The following PALS1 variants were observed in gnomAD, a reference collection of about 807,000 sequenced individuals.
PALS1 encodes the protein protein associated with LIN7 1, MAGUK p55 family member, also known as protein PALS1.
In PALS1, 31 loss-of-function variants were observed where a neutral mutation model predicts 78.9. That is an observed-to-expected ratio of 0.39 (90% CI 0.30 to 0.53). The LOEUF is 0.53. PALS1 is among the 20% of genes least tolerant of loss of function. The pLI, the probability that PALS1 is intolerant of heterozygous loss-of-function variation, is 0.67. For missense variants in PALS1, 704 were observed against 826.5 expected, an observed-to-expected ratio of 0.85 and a Z score of 1.82; for synonymous variants, 276 against 270.9, an observed-to-expected ratio of 1.02 and a Z score of -0.18.
intron 1 of PALS1, among the ~76,000 whole-genome samples, chr14:67,264,932 A>G (rs2084297223): frequency 6.8e-6 from 1 of 146,398 alleles, no homozygotes; most frequent in Non-Finnish European, 1.6e-5. Context: ...GTCAGGAATC[A>G]TATTTTTTTT....
intron 1 of PALS1, among the ~76,000 whole-genome samples, chr14:67,256,603 A>T (rs1180772315): frequency 6.6e-6 from 1 of 152,066 alleles, no homozygotes; most frequent in East Asian, 1.9e-4. Context: ...GCTGGAGTGC[A>T]GTGGTGTGAT....
intron 6 of PALS1, 28 bp downstream of exon 6, chr14:67,302,146 C>T: frequency 6.4e-7 from 1 of 1,566,808 alleles, no homozygotes; most frequent in East Asian, 2.3e-5. Context: ...TGTTTTTAAA[C>T]AAGTGCATTT....
intron 2 of PALS1, among the ~76,000 whole-genome samples, chr14:67,278,590 A>T (rs1405264077): frequency 6.6e-6 from 1 of 152,230 alleles, no homozygotes. Flanking sequence ...TTTAGCAGTT[A>T]TTCTTTAGCA....
intron 2 of PALS1, among the ~76,000 whole-genome samples, chr14:67,273,029 G>C (rs1179702707): frequency 1.3e-5 from 2 of 151,902 alleles, no homozygotes; most frequent in Admixed American, 6.6e-5. Flanking sequence ...CCTAGTTGAG[G>C]ACCGCATTTC....
At chr14:67,257,952 G>A (rs1004507237) in intron 1 of PALS1, among the ~76,000 whole-genome samples, 2 of 152,108 alleles carry the variant, frequency 1.3e-5, no homozygotes, top group East Asian at 3.9e-4. Context: ...TGTCACCAAG[G>A]TAGTGAATAT....
At chr14:67,308,314 CTT>C (rs34145010) in intron 8 of PALS1, among the ~76,000 whole-genome samples, 60 of 139,478 alleles carry the variant, frequency 4.3e-4, no homozygotes, top group South Asian at 2.0e-3. Flanking sequence ...ACCAAACTTC[CTT>C]TTTTTTTTTT....
At chr14:67,245,413 G>A (rs2083972271) in intron 1 of PALS1, among the ~76,000 whole-genome samples, 1 of 152,070 alleles carries the variant, frequency 6.6e-6, no homozygotes, top group South Asian at 2.1e-4. Context: ...ATCTTTTCAT[G>A]TGCTTATTTG....
chr14:67,262,521 G>T (rs1002157228), intron 1 of PALS1, among the ~76,000 whole-genome samples: 1 of 152,082 alleles, frequency 6.6e-6, no homozygotes, highest in African/African-American at 2.4e-5. Context: ...ATTGTTTGAA[G>T]TGATCACTTT....
In PALS1 at chr14:67,312,589, G is replaced by A. The variant is rs1320502206; in HGVS notation, c.1104G>A (p.Glu368=). Residue 368 remains glutamate, a synonymous_variant, in exon 9 of 15, where the codon GAG becomes GAA. Coordinates refer to ENST00000261681, the MANE Select transcript of PALS1 (RefSeq NM_022474.4). ...ATGACCCTTATGTTCCATGTCGAGA[G>A]TTAGGTCTGTCTTTTCAAAAAGGTG... The part of the protein sequence containing the change: ...PSDDPYVPCR[E]LGLSFQKGDI... The A allele has an allele frequency of 7.4e-6, 12 of 1,613,668 alleles. No individual in the cohort carries two copies. The highest frequency in any genetic ancestry group is 1.0e-5 in the Non-Finnish European group (12 of 1,179,790).
chr14:67,324,176 T>C (rs1484563043), intron 14 of PALS1, among the ~76,000 whole-genome samples: 1 of 152,272 alleles, frequency 6.6e-6, no homozygotes, highest in Non-Finnish European at 1.5e-5. Context: ...CTCTTCTTTT[T>C]ATCCCACTGA....
intron 1 of PALS1, among the ~76,000 whole-genome samples, chr14:67,243,055 A>T (rs1043924368): frequency 2.0e-5 from 3 of 152,144 alleles, no homozygotes; most frequent in Non-Finnish European, 4.4e-5. Flanking sequence ...AAAATTTATC[A>T]CCCATTCCAA....
At chr14:67,248,582 C>A (rs895943152) in intron 1 of PALS1, among the ~76,000 whole-genome samples, 2 of 152,082 alleles carry the variant, frequency 1.3e-5, no homozygotes, top group African/African-American at 4.8e-5. Flanking sequence ...CCCTCAAAGA[C>A]GTTGAAATTT....
intron 14 of PALS1, among the ~76,000 whole-genome samples, chr14:67,326,259 T>TTTTTTTA (rs2085356808): frequency 8.1e-6 from 1 of 122,984 alleles, no homozygotes; most frequent in Non-Finnish European, 1.6e-5. Flanking sequence ...TTTTTTTTTT[T>TTTTTTTA]GAGAGGAGAT....
intron 8 of PALS1, among the ~76,000 whole-genome samples, chr14:67,305,740 T>TAC (rs1445042596): frequency 6.6e-6 from 1 of 152,258 alleles, no homozygotes; most frequent in East Asian, 1.9e-4. Flanking sequence ...GCAATTAACT[T>TAC]ACACAGATTG....
At position 67,279,527 on chromosome 14, in the gene PALS1, G is replaced by A. The variant is rs750451675; in HGVS notation, c.357G>A (p.Val119=). Residue 119 remains valine (V), a synonymous_variant, in exon 3 of 15, where the codon GTG becomes GTA. Transcript: ENST00000261681. ...TCTTAGAAAGTCCTCATTATGCTGT[G>A]AAAATATTAGGTAAGTAAAAATAGA... is the stretch of plus-strand genomic sequence containing the variant. ...GIVLESPHYA[V]KILEIEDLFS... is the part of the protein sequence containing the mutation. The A allele has an allele frequency of 1.3e-6, 2 of 1,528,254 alleles. No homozygotes were observed. The highest frequency in any genetic ancestry group is 1.8e-6 in the Non-Finnish European group (2 of 1,141,384). 94.7% of individuals were successfully genotyped at this position (1,528,254 alleles called of 1,614,324 possible). A position where few individuals can be genotyped will look rare whatever the true frequency, so the allele number is the denominator to read the frequency against.
intron 1 of PALS1, among the ~76,000 whole-genome samples, chr14:67,251,532 C>T (rs1482220780): frequency 6.6e-6 from 1 of 151,854 alleles, no homozygotes; most frequent in African/African-American, 2.4e-5. Context: ...GAACGAGAAC[C>T]TGTCTCAAAA....
At chr14:67,316,264 G>A (rs1885589) in intron 9 of PALS1, among the ~76,000 whole-genome samples, 23,509 of 151,998 alleles carry the variant, frequency 0.15, 3,432 homozygotes, top group East Asian at 0.42. Context: ...TATTAATTTT[G>A]TAAGGAAAAG....
chr14:67,243,203 T>G (rs139269795), intron 1 of PALS1, among the ~76,000 whole-genome samples: 73 of 152,222 alleles, frequency 4.8e-4, no homozygotes, highest in East Asian at 3.5e-3. Flanking sequence ...CTTTTTTTTT[T>G]TGTGAGACAT....
At position 67,279,386 on chromosome 14, in the gene PALS1, A is replaced by G. The variant is rs779026053; in HGVS notation, c.216A>G (p.Glu72=). The change falls in exon 3 of 15, where the codon GAA becomes GAG. Residue 72 remains glutamate, a synonymous_variant. Coordinates refer to ENST00000261681, the MANE Select transcript of PALS1 (RefSeq NM_022474.4). ...QQEDMRRRRE[E]EGKKQELDLN... is the part of the protein sequence containing the mutation. ...AGGACATGAGGCGTAGGAGAGAGGA[A>G]GAAGGGAAAAAGCAAGAACTTGACC... 1 of 1,613,760 alleles carries G rather than the reference A, an allele frequency of 6.2e-7. No homozygotes were observed. Among genetic ancestry groups the G allele is most frequent in the African/African-American group, 1.3e-5 (1 of 74,894 alleles).
Sources: gnomAD v4.1 joint callset for allele counts (sites outside exome capture counted in the v4.1 genomes callset) on GRCh38, gnomAD v4.1.1 for gene constraint, MANE v1.5 for transcripts, NCBI Gene and HGNC (gene_info 2026-07-23, HGNC 2026-07-21) for gene names.